Variants in TMEM131 observed in about 807,000 individuals in gnomAD.
TMEM131 encodes the protein transmembrane protein 131.
In TMEM131, 66 loss-of-function variants were observed where a neutral mutation model predicts 211.6. The observed-to-expected ratio is 0.31, with a 90% CI of 0.26 to 0.38. The LOEUF (loss-of-function observed/expected upper bound fraction) is 0.38, where lower values mean the gene tolerates loss of function less well. Ranked by LOEUF, TMEM131 falls within the 10% of genes least tolerant of loss-of-function variation. The pLI is 1.00. For missense variants in TMEM131, 2,036 were observed against 2,299.3 expected (o/e 0.89, Z 2.34); for synonymous variants, 844 against 841.3 (o/e 1.00, Z -0.06).
In TMEM131 at chr2:97,995,528, C is replaced by A. The variant is rs754819865; in HGVS notation, c.135G>T (p.Ala45=). 8 of 1,384,034 alleles carry A rather than the reference C, an allele frequency of 5.8e-6. No individual in the cohort carries two copies. Among genetic ancestry groups the A allele is most frequent in the Non-Finnish European group, 6.6e-6 (7 of 1,062,528 alleles). 85.7% of individuals were successfully genotyped at this position (1,384,034 alleles called of 1,614,324 possible). Reference sequence around the variant, plus strand: ...CTACGAGGGTCATCACCAGGTGCAGCGCGCCTAGGAGGCCGGCGGCCGCGC... The same window carrying A: ...CTACGAGGGTCATCACCAGGTGCAGAGCGCCTAGGAGGCCGGCGGCCGCGC... ...PRSAAAGLLG[A]LHLVMTLVVA... The change falls in exon 1 of 41, where the codon GCG becomes GCT. Residue 45 remains alanine, a synonymous_variant. Transcript: ENST00000186436.
intron 12 of TMEM131, 101 bp from the exon 13 acceptor site, chr2:97,815,408 AGCTTCC>A: frequency 1.4e-6 from 1 of 691,590 alleles, no homozygotes; most frequent in Non-Finnish European, 2.2e-6. Flanking sequence ...AAAAAAGTTG[AGCTTCC>A]AAATTGGCCA....
At chr2:97,943,021 G>T (rs866372852) in intron 1 of TMEM131, among the ~76,000 whole-genome samples, 1 of 39,212 alleles carries the variant, frequency 2.6e-5, no homozygotes, top group Non-Finnish European at 4.9e-5. Context: ...GAAAAGAAAA[G>T]AAAAGAAAAG....
intron 17 of TMEM131, 21 bp from the exon 18 acceptor site, chr2:97,811,253 A>T (rs775450204): frequency 1.1e-5 from 18 of 1,569,650 alleles, no homozygotes; most frequent in Admixed American, 1.7e-5. Flanking sequence ...TAGAAATGGT[A>T]TCATTCATTA....
intron 1 of TMEM131, among the ~76,000 whole-genome samples, chr2:97,971,784 C>T (rs574624217): frequency 1.3e-5 from 2 of 152,112 alleles, no homozygotes; most frequent in Non-Finnish European, 2.9e-5. Flanking sequence ...ATTGCTTGAG[C>T]CCCAGAGGTC....
At chr2:97,809,844 A>T in intron 18 of TMEM131, 70 bp from the exon 19 acceptor site, 1 of 1,292,960 alleles carries the variant, frequency 7.7e-7, no homozygotes, top group Non-Finnish European at 1.1e-6. Flanking sequence ...CTATTGCATT[A>T]TATTTTGGGG....
At chr2:97,907,891 T>C (rs1318373489) in intron 3 of TMEM131, among the ~76,000 whole-genome samples, 1 of 152,174 alleles carries the variant, frequency 6.6e-6, no homozygotes, top group African/African-American at 2.4e-5. Flanking sequence ...AGAGCAACTA[T>C]ACCATTACGC....
intron 25 of TMEM131, among the ~76,000 whole-genome samples, chr2:97,801,649 C>G (rs1054068561): frequency 6.6e-6 from 1 of 152,186 alleles, no homozygotes; most frequent in East Asian, 1.9e-4. Context: ...TATTACAAAC[C>G]TTCATGGGCT....
chr2:97,917,021 G>C (rs571841546), intron 2 of TMEM131, among the ~76,000 whole-genome samples: 13 of 152,008 alleles, frequency 8.6e-5, no homozygotes, highest in South Asian at 2.1e-4. Flanking sequence ...GTACTTCTAG[G>C]CCTCCTTACA....
chr2:97,832,014 A>AG (rs1682720850), intron 11 of TMEM131, among the ~76,000 whole-genome samples: 1 of 149,604 alleles, frequency 6.7e-6, no homozygotes, highest in Admixed American at 6.6e-5. Context: ...CAAAAAAAAA[A>AG]AAAAAAAAAA....
chr2:97,878,354 A>C (rs935839751), intron 4 of TMEM131, among the ~76,000 whole-genome samples: 1 of 152,362 alleles, frequency 6.6e-6, no homozygotes, highest in East Asian at 1.9e-4. Flanking sequence ...TACTGGGTAT[A>C]TACCCAAAGG....
At chr2:97,929,600 A>G (rs1022163746) in intron 1 of TMEM131, among the ~76,000 whole-genome samples, 3 of 151,728 alleles carry the variant, frequency 2.0e-5, no homozygotes, top group African/African-American at 7.3e-5. Flanking sequence ...CCTGCCAAGC[A>G]TCCTTTTCTC....
intron 36 of TMEM131, chr2:97,761,532 C>T (rs989845836): frequency 1.3e-5 from 2 of 158,972 alleles, no homozygotes; most frequent in African/African-American, 4.8e-5. Context: ...GAACAGCATG[C>T]TTCCTGCATC....
chr2:97,819,690 T>C (rs1283210788), intron 11 of TMEM131, among the ~76,000 whole-genome samples: 1 of 152,150 alleles, frequency 6.6e-6, no homozygotes, highest in African/African-American at 2.4e-5. Flanking sequence ...CCCTCGTGGG[T>C]TGTATTTGTT....
At chr2:97,943,041 G>GAAAAGAAAAGA (rs779804229) in intron 1 of TMEM131, among the ~76,000 whole-genome samples, 41 of 36,624 alleles carry the variant, frequency 1.1e-3, no homozygotes, top group Admixed American at 4.3e-3. Context: ...GAAAAGAAAA[G>GAAAAGAAAAGA]AAAGAAAGAA....
At chr2:97,912,070 T>C (rs1676313921) in intron 2 of TMEM131, among the ~76,000 whole-genome samples, 1 of 152,030 alleles carries the variant, frequency 6.6e-6, no homozygotes, top group South Asian at 2.1e-4. Context: ...ACTATAACAA[T>C]TTAATACAAA....
chr2:97,911,904 A>G (rs1676307225), intron 2 of TMEM131, among the ~76,000 whole-genome samples: 1 of 152,188 alleles, frequency 6.6e-6, no homozygotes, highest in Non-Finnish European at 1.5e-5. Flanking sequence ...CTGAAAATTG[A>G]GCCCCATTAT....
chr2:97,827,861 T>C (rs868823558), intron 11 of TMEM131, among the ~76,000 whole-genome samples: 1 of 152,222 alleles, frequency 6.6e-6, no homozygotes, highest in Non-Finnish European at 1.5e-5. Context: ...TTATATCCTA[T>C]AATACAAAGC....
At chr2:97,766,712 G>T in intron 33 of TMEM131, 110 bp from the exon 34 acceptor site, 2 of 1,342,198 alleles carry the variant, frequency 1.5e-6, no homozygotes, top group South Asian at 1.3e-5. Context: ...GGAAGCTAAT[G>T]TGGCTTCCTG....
At chr2:97,937,645 C>A (rs1677508764) in intron 1 of TMEM131, among the ~76,000 whole-genome samples, 1 of 152,036 alleles carries the variant, frequency 6.6e-6, no homozygotes, top group South Asian at 2.1e-4. Context: ...GGGATCACTC[C>A]ATTAAGATGA....
Sources: gnomAD v4.1 joint callset for allele counts (sites outside exome capture counted in the v4.1 genomes callset) on GRCh38, gnomAD v4.1.1 for gene constraint, MANE v1.5 for transcripts, NCBI Gene and HGNC (gene_info 2026-07-23, HGNC 2026-07-21) for gene names.